LRRC4C: variants seen among roughly 807,000 people sequenced by gnomAD.
LRRC4C encodes the protein leucine rich repeat containing 4C.
LRRC4C carries 5 observed loss-of-function variants against 33.6 expected under a neutral mutation model. The ratio of observed to expected loss-of-function variants is 0.15; its 90% CI spans 0.08 to 0.31. LRRC4C has a LOEUF of 0.31. LRRC4C is among the 10% of genes least tolerant of loss of function. The pLI is 1.00. For missense variants in LRRC4C, 560 were observed against 796.7 expected (o/e 0.70, Z 3.58); for synonymous variants, 329 against 302.0 (o/e 1.09, Z -0.93).
intron 2 of LRRC4C, among the ~76,000 whole-genome samples, chr11:40,819,596 A>G (rs531866266): frequency 1.4e-4 from 21 of 152,250 alleles, no homozygotes; most frequent in African/African-American, 4.8e-4. Flanking sequence ...GAGGCTATAC[A>G]TATATGTAGT....
At chr11:40,766,916 G>A (rs1209986443) in intron 2 of LRRC4C, among the ~76,000 whole-genome samples, 1 of 151,502 alleles carries the variant, frequency 6.6e-6, no homozygotes, top group Non-Finnish European at 1.5e-5. Context: ...GAGGGAAGGA[G>A]GAGCCAGAAA....
chr11:40,401,762 T>A (rs1211898831), intron 3 of LRRC4C, among the ~76,000 whole-genome samples: 1 of 152,114 alleles, frequency 6.6e-6, no homozygotes, highest in Non-Finnish European at 1.5e-5. Flanking sequence ...TGTGAAATAA[T>A]CCTTTAGTAT....
At chr11:41,351,143 G>A (rs1482189760) in intron 1 of LRRC4C, among the ~76,000 whole-genome samples, 1 of 152,006 alleles carries the variant, frequency 6.6e-6, no homozygotes, top group Non-Finnish European at 1.5e-5. Context: ...TGGGGTGGGA[G>A]GATTGCTTGA....
At chr11:41,445,698 G>A (rs915102401) in intron 1 of LRRC4C, among the ~76,000 whole-genome samples, 5 of 152,050 alleles carry the variant, frequency 3.3e-5, no homozygotes, top group East Asian at 3.9e-4. Flanking sequence ...TCTGTAATAC[G>A]TGAACAATAA....
At chr11:40,175,969 C>A (rs976767546) in intron 5 of LRRC4C, among the ~76,000 whole-genome samples, 4 of 152,126 alleles carry the variant, frequency 2.6e-5, no homozygotes, top group Admixed American at 1.3e-4. Context: ...GAGTAAGAAG[C>A]CTTGCCTTTC....
intron 3 of LRRC4C, among the ~76,000 whole-genome samples, chr11:40,394,458 T>G (rs577881811): frequency 1.3e-5 from 2 of 152,294 alleles, no homozygotes; most frequent in South Asian, 4.1e-4. Flanking sequence ...GAGAGTGACT[T>G]GTTCGCTTTT....
At chr11:40,453,784 A>T (rs1952008582) in intron 3 of LRRC4C, among the ~76,000 whole-genome samples, 1 of 152,134 alleles carries the variant, frequency 6.6e-6, no homozygotes, top group Non-Finnish European at 1.5e-5. Flanking sequence ...AAAAATAGTG[A>T]TTGTTTAGGG....
At chr11:40,119,144 G>A (rs999127096) in intron 6 of LRRC4C, among the ~76,000 whole-genome samples, 1 of 152,110 alleles carries the variant, frequency 6.6e-6, no homozygotes, top group African/African-American at 2.4e-5. Context: ...GTAGAGAAGA[G>A]GCTTTTTTCC....
At chr11:40,324,994 C>T (rs1020436202) in intron 3 of LRRC4C, among the ~76,000 whole-genome samples, 2 of 152,116 alleles carry the variant, frequency 1.3e-5, no homozygotes, top group Non-Finnish European at 2.9e-5. Context: ...TAACCCAGTG[C>T]TTAGCAAATA....
chr11:41,418,153 C>T (rs1418209031), intron 1 of LRRC4C, among the ~76,000 whole-genome samples: 4 of 151,838 alleles, frequency 2.6e-5, no homozygotes, highest in Non-Finnish European at 5.9e-5. Context: ...CCACTTTAAG[C>T]AATAGACTTT....
chr11:41,228,736 T>C (rs756905772), intron 1 of LRRC4C, among the ~76,000 whole-genome samples: 10 of 152,186 alleles, frequency 6.6e-5, no homozygotes, highest in Non-Finnish European at 1.2e-4. Flanking sequence ...TTCTGTAGTA[T>C]GTCATTTTAT....
chr11:41,281,543 C>T (rs1949678619), intron 1 of LRRC4C, among the ~76,000 whole-genome samples: 1 of 152,200 alleles, frequency 6.6e-6, no homozygotes, highest in Admixed American at 6.5e-5. Flanking sequence ...AAGAATTTCA[C>T]AGCTGAATCT....
chr11:40,461,820 G>A (rs1247970795), intron 3 of LRRC4C, among the ~76,000 whole-genome samples: 1 of 151,362 alleles, frequency 6.6e-6, no homozygotes, highest in East Asian at 1.9e-4. Context: ...TAATGGATGG[G>A]AAATCATCAA....
At chr11:40,506,253 C>T (rs1305746657) in intron 3 of LRRC4C, among the ~76,000 whole-genome samples, 1 of 152,146 alleles carries the variant, frequency 6.6e-6, no homozygotes, top group East Asian at 1.9e-4. Context: ...TGCTCTGACT[C>T]ACAGTTTTCT....
At chr11:40,424,477 T>G (rs4755548) in intron 3 of LRRC4C, among the ~76,000 whole-genome samples, 58,796 of 152,072 alleles carry the variant, frequency 0.39, 11,916 homozygotes, top group East Asian at 0.53. Context: ...TCTTACAGAT[T>G]CCTTTACAGT....
intron 1 of LRRC4C, among the ~76,000 whole-genome samples, chr11:41,091,419 A>T (rs568580078): frequency 6.6e-6 from 1 of 152,078 alleles, no homozygotes; most frequent in Non-Finnish European, 1.5e-5. Flanking sequence ...TTAAATAATT[A>T]TCCTAATGAC....
chr11:40,183,537 T>C (rs1861179457), intron 5 of LRRC4C, among the ~76,000 whole-genome samples: 1 of 152,174 alleles, frequency 6.6e-6, no homozygotes, highest in African/African-American at 2.4e-5. Context: ...ACTGTTCCGG[T>C]GTGTTCTTTC....
chr11:40,508,464 T>A (rs540544011), intron 3 of LRRC4C, among the ~76,000 whole-genome samples: 1 of 152,162 alleles, frequency 6.6e-6, no homozygotes, highest in South Asian at 2.1e-4. Context: ...ATTATGGAAG[T>A]TGGCCCAAAA....
At chr11:40,901,997 TCTACACAC>T (rs1565184570) in intron 2 of LRRC4C, among the ~76,000 whole-genome samples, 1 of 136,144 alleles carries the variant, frequency 7.3e-6, no homozygotes, top group Non-Finnish European at 1.5e-5. Context: ...TCTCTCTCTC[TCTACACAC>T]ACACACACAC....
Sources: allele counts gnomAD v4.1 joint callset (sites outside exome capture counted in the v4.1 genomes callset), GRCh38; gene constraint gnomAD v4.1.1; transcripts MANE v1.5; gene names NCBI Gene and HGNC (gene_info 2026-07-23, HGNC 2026-07-21).